HERC4: variants seen among roughly 807,000 people sequenced by gnomAD.
The protein encoded by HERC4 is HECT and RLD domain containing E3 ubiquitin protein ligase 4.
HERC4 carries 28 observed loss-of-function variants against 124.3 expected under a neutral mutation model. The observed-to-expected ratio is 0.23, with a 90% confidence interval of 0.17 to 0.31. The LOEUF is 0.31. Ranked by LOEUF, HERC4 falls within the 10% of genes least tolerant of loss-of-function variation. The pLI is 1.00. For synonymous variants in HERC4, 407 were observed against 421.5 expected, an observed-to-expected ratio of 0.97 and a Z score of 0.42; for missense variants, 713 against 1,229.3, an observed-to-expected ratio of 0.58 and a Z score of 6.28.
At chr10:67,964,783 T>C (rs536490030) in intron 16 of HERC4, 3 of 152,474 alleles carry the variant, frequency 2.0e-5, no homozygotes, top group Admixed American at 6.5e-5. Context: ...TTCTTTCTTT[T>C]TTTTTTTTGA....
chr10:67,990,662 A>G (rs2036503043), intron 13 of HERC4, among the ~76,000 whole-genome samples: 1 of 152,132 alleles, frequency 6.6e-6, no homozygotes, highest in African/African-American at 2.4e-5. Flanking sequence ...CTCTACCTCT[A>G]TAACCATACA....
Position 67,957,087 on chromosome 10 carries a change from G to A in HERC4, c.1927-111C>T, listed in dbSNP as rs933714762. 8 of 565,464 alleles carry A rather than the reference G, an allele frequency of 1.4e-5. No individual in the cohort carries two copies. In the Admixed American group the frequency reaches 1.6e-4, roughly 11 times the overall value. 35.0% of individuals were successfully genotyped at this position (565,464 alleles called of 1,614,324 possible). A position where few individuals can be genotyped will look rare whatever the true frequency, so the allele number is the denominator to read the frequency against. The stretch of plus-strand genomic sequence containing the variant: ...CATTCTTTGTTTATTCACTCATGTG[G>A]TTCTGGAATTACAAATAAAACATGC... On this transcript the variant is annotated intron_variant, in intron 16 of 24. Transcript: ENST00000373700.
chr10:68,053,829 G>C (rs979374155), intron 3 of HERC4, among the ~76,000 whole-genome samples: 1 of 152,202 alleles, frequency 6.6e-6, no homozygotes, highest in Middle Eastern at 3.4e-3. Flanking sequence ...ATTTTATATA[G>C]AGAACAAAAA....
At chr10:68,021,666 G>T (rs931930772) in intron 8 of HERC4, among the ~76,000 whole-genome samples, 1 of 152,138 alleles carries the variant, frequency 6.6e-6, no homozygotes, top group African/African-American at 2.4e-5. Context: ...AAATTAGTCG[G>T]GTGTGGTGGC....
rs141007452 is a variant in HERC4 at position 67,979,090 on chromosome 10, T to C, written c.1806+9573A>G. ...ATGCCCAGACAGAGAGGAACATCTGTTAAGTTATCAAGACCATCCAGGAAA... is the reference window on the plus strand; with the variant it reads ...ATGCCCAGACAGAGAGGAACATCTGCTAAGTTATCAAGACCATCCAGGAAA... On this transcript the variant is annotated intron_variant, in intron 15 of 24. Transcript: ENST00000373700. Among the ~76,000 whole-genome samples the C allele has an allele frequency of 2.4e-3, 359 of 152,220 alleles. 2 individuals are homozygous for C. Among genetic ancestry groups the C allele is most frequent in the African/African-American group, 7.9e-3 (330 of 41,550 alleles).
chr10:68,029,746 G>GT lies in HERC4; in HGVS notation c.777+3031dup, dbSNP rs986210401. Among the ~76,000 whole-genome samples, 653 of 138,294 alleles carry GT rather than the reference G, an allele frequency of 4.7e-3. 4 individuals are homozygous for GT. The highest frequency in any genetic ancestry group is 0.014 in the African/African-American group (517 of 38,012). The allele number at this position is 138,294 out of a possible 152,430, so 90.7% of individuals were successfully genotyped here. The stretch of plus-strand genomic sequence containing the variant: ...TTTTTACATATATATATAACACTTT[G>GT]TTTTTTTTTTTTGAGACAGAGTCTC... On this transcript the variant is annotated intron_variant, in intron 7 of 24. Transcript: ENST00000373700.
chr10:67,974,328 T>G (rs1321239861), intron 15 of HERC4, among the ~76,000 whole-genome samples: 1 of 152,128 alleles, frequency 6.6e-6, no homozygotes, highest in East Asian at 1.9e-4. Context: ...GATGTTGCAC[T>G]TAAGAGAAGA....
rs1012816658 is a variant in HERC4, at chr10:67,922,433, T to A, written c.*498A>T. 6.6e-6 allele frequency: 1 copy of A among 152,208 alleles called. No homozygotes were observed. The highest frequency in any genetic ancestry group is 2.4e-5 in the African/African-American group (1 of 41,454). The allele number at this position is 152,208 out of a possible 1,614,324, so 9.4% of individuals were successfully genotyped here. The stretch of plus-strand genomic sequence containing the variant: ...TCAGAGTAAGATTTAAATCATAATT[T>A]TTAACCTTTAAAAGTCTGTTCAAGT... On this transcript the variant is annotated 3_prime_UTR_variant, in exon 25 of 25. Transcript: ENST00000373700.
intron 3 of HERC4, chr10:68,067,276 T>C (rs1258299332): frequency 1.3e-5 from 2 of 152,626 alleles, no homozygotes; most frequent in African/African-American, 4.8e-5. Context: ...GTTTGCATTA[T>C]GATTTTTTTT....
At chr10:68,026,102 T>C (rs2038884071) in intron 7 of HERC4, among the ~76,000 whole-genome samples, 1 of 152,120 alleles carries the variant, frequency 6.6e-6, no homozygotes. Context: ...TTTATTTACT[T>C]ATTAATTTTT....
intron 3 of HERC4, among the ~76,000 whole-genome samples, chr10:68,051,759 G>A (rs1244749381): frequency 6.1e-5 from 9 of 147,516 alleles, no homozygotes; most frequent in Admixed American, 4.8e-4. Flanking sequence ...GCGTGATCTC[G>A]GCTCACTGCA....
At chr10:67,965,624 A>G (rs2034816775) in intron 16 of HERC4, 1 of 152,224 alleles carries the variant, frequency 6.6e-6, no homozygotes, top group Non-Finnish European at 1.5e-5. Context: ...CCAGATTGCC[A>G]TTCAAAAACT....
At chr10:67,955,386 G>C (rs1413174844) in intron 17 of HERC4, 1 of 292,850 alleles carries the variant, frequency 3.4e-6, no homozygotes, top group East Asian at 7.3e-5. Context: ...CAGAACGGTA[G>C]TAATACTGAT....
chr10:67,992,859 T>C, intron 9 of HERC4, 177 bp from the exon 10 acceptor site: 1 of 498,640 alleles, frequency 2.0e-6, no homozygotes, highest in Non-Finnish European at 3.6e-6. Flanking sequence ...ACTGACCAAA[T>C]GATGAACATT....
chr10:68,017,417 T>G (rs1254570283), intron 8 of HERC4, among the ~76,000 whole-genome samples: 1 of 152,266 alleles, frequency 6.6e-6, no homozygotes, highest in Non-Finnish European at 1.5e-5. Context: ...TACTATTATA[T>G]GTCACTGACA....
chr10:67,961,659 C>A (rs919875839), intron 16 of HERC4, among the ~76,000 whole-genome samples: 7 of 152,134 alleles, frequency 4.6e-5, no homozygotes. Context: ...GAAGTGAGGG[C>A]AGTCTTGTGT....
intron 4 of HERC4, chr10:68,040,489 TTAAA>T (rs1162628468): frequency 1.4e-6 from 1 of 734,750 alleles, no homozygotes; most frequent in African/African-American, 1.9e-5. Flanking sequence ...TAGAAAATAA[TTAAA>T]TAAATTTGTT....
At chr10:67,974,819 G>A (rs745958405) in intron 15 of HERC4, among the ~76,000 whole-genome samples, 6 of 152,170 alleles carry the variant, frequency 3.9e-5, no homozygotes, top group Admixed American at 1.3e-4. Context: ...GAGGGGCATA[G>A]GGGACTGTCA....
chr10:67,931,315 A>G (rs2031780462), intron 23 of HERC4, among the ~76,000 whole-genome samples: 1 of 152,094 alleles, frequency 6.6e-6, no homozygotes, highest in African/African-American at 2.4e-5. Context: ...ATCAGAATCA[A>G]TATTTGATAA....
Sources: gnomAD v4.1 joint callset for allele counts (sites outside exome capture counted in the v4.1 genomes callset) on GRCh38, gnomAD v4.1.1 for gene constraint, MANE v1.5 for transcripts, NCBI Gene and HGNC (gene_info 2026-07-23, HGNC 2026-07-21) for gene names.